Variants in CMTM7 observed in about 807,000 individuals in gnomAD.
The protein encoded by CMTM7 is CKLF-like MARVEL transmembrane domain-containing protein 7.
CMTM7 carries 7 observed loss-of-function variants against 19.3 expected under a neutral mutation model. That is an observed-to-expected ratio of 0.36 (90% CI 0.21 to 0.68). The LOEUF (loss-of-function observed/expected upper bound fraction) is 0.68, where lower values mean the gene tolerates loss of function less well. CMTM7 is among the 30% of genes least tolerant of loss of function. CMTM7 has a pLI of 0.60. For missense variants in CMTM7, 193 were observed against 232.6 expected, an observed-to-expected ratio of 0.83 and a Z score of 1.11; for synonymous variants, 87 against 99.3, an observed-to-expected ratio of 0.88 and a Z score of 0.74.
intron 2 of CMTM7, among the ~76,000 whole-genome samples, chr3:32,444,490 A>G (rs575035032): frequency 6.6e-6 from 1 of 152,344 alleles, no homozygotes; most frequent in Non-Finnish European, 1.5e-5. Context: ...ACTAGCAAAT[A>G]TGCAGCCTCC....
chr3:32,438,012 G>C (rs1339922025), intron 1 of CMTM7, among the ~76,000 whole-genome samples: 3 of 152,240 alleles, frequency 2.0e-5, no homozygotes, highest in African/African-American at 7.2e-5. Flanking sequence ...TAAGAGGCAA[G>C]TGAACCCTTT....
rs576174583 is a variant in CMTM7, at chr3:32,420,654, C to T, written c.160-21186C>T. On this transcript the variant is annotated intron_variant, in intron 1 of 4. Coordinates refer to ENST00000334983, the MANE Select transcript of CMTM7 (RefSeq NM_138410.4). ...GAGGAAGAAAGGGGCAAGGTGTCCACGCCATAGTCCCACTGTCTGCCTGAC... is the reference window on the plus strand; with the variant it reads ...GAGGAAGAAAGGGGCAAGGTGTCCATGCCATAGTCCCACTGTCTGCCTGAC... Among the ~76,000 whole-genome samples the T allele has an allele frequency of 1.4e-4, 21 of 152,312 alleles. No homozygotes were observed. The South Asian group carries it at 2.9e-3, about 21-fold the overall frequency.
chr3:32,392,371 A>G (rs1695849926), intron 1 of CMTM7, among the ~76,000 whole-genome samples: 1 of 152,140 alleles, frequency 6.6e-6, no homozygotes, highest in Non-Finnish European at 1.5e-5. Context: ...GACTGAAACC[A>G]CGGGCAAAGT....
chr3:32,415,651 C>A (rs983438513), intron 1 of CMTM7, among the ~76,000 whole-genome samples: 1 of 152,218 alleles, frequency 6.6e-6, no homozygotes, highest in African/African-American at 2.4e-5. Context: ...CAGATCTTCT[C>A]TGAAGTATTT....
At chr3:32,392,753 C>T (rs910504044) in intron 1 of CMTM7, among the ~76,000 whole-genome samples, 5 of 152,146 alleles carry the variant, frequency 3.3e-5, no homozygotes, top group Admixed American at 6.5e-5. Context: ...GGGAGCCAGA[C>T]TGTTGAATGG....
chr3:32,436,532 C>T (rs1209832448), intron 1 of CMTM7, among the ~76,000 whole-genome samples: 1 of 152,178 alleles, frequency 6.6e-6, no homozygotes, highest in African/African-American at 2.4e-5. Flanking sequence ...TGGCTTTCAT[C>T]TCCTGGGGAT....
At chr3:32,394,384 C>T (rs1271301279) in intron 1 of CMTM7, among the ~76,000 whole-genome samples, 1 of 152,180 alleles carries the variant, frequency 6.6e-6, no homozygotes, top group Admixed American at 6.5e-5. Context: ...TCATACTGAA[C>T]AGGTTGACCC....
chr3:32,440,821 A>C (rs1475077436), intron 1 of CMTM7, among the ~76,000 whole-genome samples: 4 of 152,234 alleles, frequency 2.6e-5, no homozygotes, highest in African/African-American at 9.6e-5. Flanking sequence ...GTAGATTCTA[A>C]GATTTTACAC....
intron 1 of CMTM7, among the ~76,000 whole-genome samples, chr3:32,425,221 G>A (rs1696412467): frequency 6.6e-6 from 1 of 152,164 alleles, no homozygotes; most frequent in African/African-American, 2.4e-5. Flanking sequence ...ATGAGTATTA[G>A]CCATTTATGA....
chr3:32,416,364 T>TG, intron 1 of CMTM7, among the ~76,000 whole-genome samples: 1 of 10,358 alleles, frequency 9.7e-5, no homozygotes, highest in African/African-American at 3.9e-4. Flanking sequence ...CGGGCTAATT[T>TG]TTTTTTTTTT....
intron 1 of CMTM7, among the ~76,000 whole-genome samples, chr3:32,398,051 G>T (rs1346310966): frequency 6.6e-6 from 1 of 152,166 alleles, no homozygotes; most frequent in East Asian, 1.9e-4. Flanking sequence ...CCCCTTTGGT[G>T]CCTTTATTCA....
At chr3:32,396,502 G>A (rs573822567) in intron 1 of CMTM7, among the ~76,000 whole-genome samples, 4 of 151,892 alleles carry the variant, frequency 2.6e-5, no homozygotes, top group South Asian at 2.1e-4. Flanking sequence ...GCGAGACTCC[G>A]TCACAAAAAC....
chr3:32,410,897 A>G (rs1696163726), intron 1 of CMTM7, among the ~76,000 whole-genome samples: 1 of 152,252 alleles, frequency 6.6e-6, no homozygotes, highest in African/African-American at 2.4e-5. Flanking sequence ...TTAAAGCAAC[A>G]CCAGGAAACA....
At chr3:32,394,261 TGCTTGTTTA>T (rs1695882768) in intron 1 of CMTM7, among the ~76,000 whole-genome samples, 1 of 152,184 alleles carries the variant, frequency 6.6e-6, no homozygotes, top group Non-Finnish European at 1.5e-5. Flanking sequence ...TGCTGGAAAA[TGCTTGTTTA>T]GCCAAGTTTT....
intron 1 of CMTM7, among the ~76,000 whole-genome samples, chr3:32,396,954 C>T (rs1399026960): frequency 6.6e-6 from 1 of 152,242 alleles, no homozygotes; most frequent in African/African-American, 2.4e-5. Flanking sequence ...ATAACTGCCA[C>T]ATTCATCTCC....
chr3:32,413,540 C>T (rs1373491660), intron 1 of CMTM7, among the ~76,000 whole-genome samples: 3 of 152,184 alleles, frequency 2.0e-5, no homozygotes, highest in African/African-American at 7.2e-5. Flanking sequence ...ATTATAACTC[C>T]TCTAATAGCA....
Position 32,449,390 on chromosome 3 carries a change from G to C in CMTM7, c.334-64G>C, listed in dbSNP as rs1696796744. ...TTCTTTTCATGTCTTCTGATGCCCA[G>C]TTGCTCTTCCCGGACCAGAAATGGA... On this transcript the variant is annotated intron_variant, in intron 2 of 4. Transcript: ENST00000334983. The surrounding 1 kb of genome is among the most constrained non-coding windows in gnomAD (Gnocchi z 4.5). 9.2e-7 allele frequency: 1 copy of C among 1,084,362 alleles called. No individual in the cohort carries two copies. The highest frequency in any genetic ancestry group is 1.4e-6 in the Non-Finnish European group (1 of 696,472). 67.2% of individuals were successfully genotyped at this position (1,084,362 alleles called of 1,614,324 possible). A position where few individuals can be genotyped will look rare whatever the true frequency, so the allele number is the denominator to read the frequency against.
chr3:32,392,093 G>C (rs3732845), intron 1 of CMTM7, 28 bp downstream of exon 1: 94,628 of 1,229,444 alleles, frequency 0.077, 3,795 homozygotes, highest in Admixed American at 0.12. Flanking sequence ...GCGAGGCCGA[G>C]GTTCTACAGG....
chr3:32,427,136 C>T (rs1696445118), intron 1 of CMTM7, among the ~76,000 whole-genome samples: 1 of 152,200 alleles, frequency 6.6e-6, no homozygotes, highest in African/African-American at 2.4e-5. Context: ...TGGGTTTACA[C>T]AGAAATGAAC....
Sources: gnomAD v4.1 joint callset for allele counts (sites outside exome capture counted in the v4.1 genomes callset) on GRCh38, gnomAD v4.1.1 for gene constraint, Gnocchi (gnomAD v3.1) non-coding constraint, MANE v1.5 for transcripts, NCBI Gene and HGNC (gene_info 2026-07-23, HGNC 2026-07-21) for gene names.